Variants in SMC4 observed in about 807,000 individuals in gnomAD.
SMC4 encodes structural maintenance of chromosomes protein 4.
SMC4 carries 87 observed loss-of-function variants against 145.6 expected under a neutral mutation model. The observed-to-expected ratio is 0.60, with a 90% CI of 0.50 to 0.71. The LOEUF is 0.71. Among genes scored for constraint, SMC4 ranks in the 30% least tolerant of loss-of-function variants. The pLI, the probability that SMC4 is intolerant of heterozygous loss-of-function variation, is 0.00. For missense variants in SMC4, 1,447 were observed against 1,537.1 expected (o/e 0.94, Z 0.98); for synonymous variants, 558 against 500.7 (o/e 1.11, Z -1.53).
chr3:160,412,826 T>TAA, intron 7 of SMC4: 3 of 986,030 alleles, frequency 3.0e-6, no homozygotes, highest in Non-Finnish European at 3.6e-6. Context: ...GTTGACTTTT[T>TAA]AGTATCCTGC....
At chr3:160,405,683 T>C (rs1278812195) in intron 5 of SMC4, among the ~76,000 whole-genome samples, 3 of 152,100 alleles carry the variant, frequency 2.0e-5, no homozygotes, top group African/African-American at 7.2e-5. Flanking sequence ...CCTAAACTTA[T>C]TTAAAAATTA....
chr3:160,404,798 C>CA (rs746992239), intron 5 of SMC4: 1 of 565,304 alleles, frequency 1.8e-6, no homozygotes, highest in African/African-American at 1.9e-5. Flanking sequence ...TATTAAACAC[C>CA]AATATTACTG....
At chr3:160,429,953 G>GGTCC (rs111390549) in intron 18 of SMC4, among the ~76,000 whole-genome samples, 57 of 150,660 alleles carry the variant, frequency 3.8e-4, no homozygotes, top group African/African-American at 1.2e-3. Context: ...CTGACGTCAT[G>GGTCC]GTCCCCCTGC....
intron 17 of SMC4, among the ~76,000 whole-genome samples, chr3:160,427,728 T>C (rs985827458): frequency 2.0e-5 from 3 of 152,210 alleles, no homozygotes; most frequent in African/African-American, 7.2e-5. Context: ...ATTGAACATA[T>C]TCATATTTTT....
rs1001670299 is a variant in SMC4, at chr3:160,434,863, A to T, written c.*1054A>T. 1.3e-5 allele frequency: 2 copies of T among 152,198 alleles called. No individual in the cohort carries two copies. Among genetic ancestry groups the T allele is most frequent in the Admixed American group, 6.5e-5 (1 of 15,274 alleles). 9.4% of individuals were successfully genotyped at this position (152,198 alleles called of 1,614,324 possible). On this transcript the variant is annotated 3_prime_UTR_variant, in exon 24 of 24. Coordinates refer to ENST00000357388, the MANE Select transcript of SMC4 (RefSeq NM_001002800.3). ...CAGTGGGCCATTGTTTTAGATATTTAAAAAATCCAACAGTTTCTATCATAA... is the reference window on the plus strand; with the variant it reads ...CAGTGGGCCATTGTTTTAGATATTTTAAAAATCCAACAGTTTCTATCATAA...
chr3:160,415,814 A>G (rs944124366), intron 9 of SMC4, among the ~76,000 whole-genome samples: 3 of 152,246 alleles, frequency 2.0e-5, no homozygotes, highest in Non-Finnish European at 4.4e-5. Flanking sequence ...TTAGCCCTAC[A>G]TGATGACTCT....
chr3:160,432,260 T>C (rs757206766), intron 21 of SMC4, 23 bp from the exon 22 acceptor site: 1 of 1,458,634 alleles, frequency 6.9e-7, no homozygotes, highest in East Asian at 2.3e-5. Flanking sequence ...GAATAGATTT[T>C]CCCTATCATA....
intron 14 of SMC4, 53 bp downstream of exon 14, chr3:160,423,703 CTTTA>C: frequency 1.9e-6 from 3 of 1,596,888 alleles, no homozygotes; most frequent in Non-Finnish European, 2.6e-6. Context: ...ACAGCATTGA[CTTTA>C]TTTAATCTTG....
At chr3:160,408,918 G>A (rs997490560) in intron 5 of SMC4, among the ~76,000 whole-genome samples, 3 of 152,132 alleles carry the variant, frequency 2.0e-5, no homozygotes, top group Non-Finnish European at 4.4e-5. Flanking sequence ...GTAAAGGCCT[G>A]TTAATAGCCT....
At position 160,420,802 on chromosome 3, in the gene SMC4, G is replaced by C. The variant is rs750931376; in HGVS notation, c.1920G>C (p.Leu640=). ...CTATATCATCCTGTTGTCATGCACT[G>C]GACTACATTGTTGTTGATTCTATTG... The part of the protein sequence containing the change: ...DVAISSCCHA[L]DYIVVDSIDI... Residue 640 remains leucine (L), a synonymous_variant, in exon 13 of 24, where the codon CTG becomes CTC. Coordinates refer to ENST00000357388, the MANE Select transcript of SMC4 (RefSeq NM_001002800.3). 1 of 1,613,934 alleles carries C rather than the reference G, an allele frequency of 6.2e-7. No individual in the cohort carries two copies. Among genetic ancestry groups the C allele is most frequent in the Admixed American group, 1.7e-5 (1 of 60,006 alleles).
rs1362257682 is a variant in SMC4, at chr3:160,430,708, G to C, written c.2905G>C (p.Ala969Pro). Reference sequence around the variant, plus strand: ...AGAGCTGAAAAGTCTTGAGGACAAAGCAGCAGAGGTCGTAAAGAATACAAA... The same window carrying C: ...AGAGCTGAAAAGTCTTGAGGACAAACCAGCAGAGGTCGTAAAGAATACAAA... ...TAELKSLEDK[A>P]AEVVKNTNAA... Residue 969 changes from alanine to proline, a missense_variant, in exon 19 of 24, where the codon GCA (alanine) becomes CCA (proline). Transcript: ENST00000357388. 6.2e-7 allele frequency: 1 copy of C among 1,613,296 alleles called. No individual in the cohort carries two copies. Among genetic ancestry groups the C allele is most frequent in the Admixed American group, 1.7e-5 (1 of 59,802 alleles).
intron 13 of SMC4, 27 bp from the exon 14 acceptor site, chr3:160,423,392 GTTGTTT>G: frequency 1.0e-6 from 1 of 971,532 alleles, no homozygotes; most frequent in Non-Finnish European, 1.4e-6. Context: ...TTTGTTAACT[GTTGTTT>G]TTGTTTGTTT....
chr3:160,410,867 C>G (rs190120190), intron 5 of SMC4, among the ~76,000 whole-genome samples: 1 of 152,188 alleles, frequency 6.6e-6, no homozygotes, highest in Non-Finnish European at 1.5e-5. Flanking sequence ...AAACAATATA[C>G]TATTTTTAAT....
chr3:160,409,265 C>CAAAAAAAAAA lies in SMC4; in HGVS notation c.688-2637_688-2628dup, dbSNP rs10547167. On this transcript the variant is annotated intron_variant, in intron 5 of 23. Coordinates refer to ENST00000357388, the MANE Select transcript of SMC4 (RefSeq NM_001002800.3). ...TGGGCGACAGAGCGAAACTCCGTCTCAAAAAAAAAAAAAAAAAAAAAAAAA... is the reference window on the plus strand; with the variant it reads ...TGGGCGACAGAGCGAAACTCCGTCTCAAAAAAAAAAAAAAAAAAAAAAAAAAAAAAAAAAA... Among the ~76,000 whole-genome samples the CAAAAAAAAAA allele has an allele frequency of 6.0e-4, 37 of 61,980 alleles. 1 individual carries two copies. The highest frequency in any genetic ancestry group is 2.6e-3 in the East Asian group (3 of 1,134). 40.7% of individuals were successfully genotyped at this position (61,980 alleles called of 152,430 possible). A position where few individuals can be genotyped will look rare whatever the true frequency, so the allele number is the denominator to read the frequency against.
rs1714492562 is a variant in SMC4, at chr3:160,400,707, A to G, written c.-5-115A>G. 7 of 1,284,590 alleles carry G rather than the reference A, an allele frequency of 5.4e-6. No individual in the cohort carries two copies. The South Asian group carries it at 1.1e-4, about 20-fold the overall frequency. 79.6% of individuals were successfully genotyped at this position (1,284,590 alleles called of 1,614,324 possible). On this transcript the variant is annotated intron_variant, in intron 1 of 23. Transcript: ENST00000357388. ...CCTTCCCGAAGTCCCGCTGCCTCTA[A>G]GCGGAGTGTTAAGCGGGGCTCTCGG...
intron 2 of SMC4, among the ~76,000 whole-genome samples, 194 bp from the exon 3 acceptor site, chr3:160,401,721 A>G (rs1410564037): frequency 6.6e-6 from 1 of 152,192 alleles, no homozygotes; most frequent in East Asian, 1.9e-4. Context: ...ACCAAGCTGA[A>G]GGTTTAGTCA....
Position 160,433,664 on chromosome 3 carries a change from CAAAA to C in SMC4, c.3725_3728del (p.Lys1242MetfsTer5). ...TTCTTTGTTTCTCTTTAGGAACAAA[CAAAA>C]AATGCACAGTTCATAATAATTTCTC... On this transcript the variant is annotated frameshift_variant, in exon 24 of 24. Transcript: ENST00000357388. LOFTEE classifies it high-confidence loss of function. 1 of 1,537,580 alleles carries C rather than the reference CAAAA, an allele frequency of 6.5e-7. No individual in the cohort carries two copies. Among genetic ancestry groups the C allele is most frequent in the Non-Finnish European group, 8.8e-7 (1 of 1,140,986 alleles).
Position 160,428,790 on chromosome 3 carries a change from A to G in SMC4, c.2643A>G (p.Glu881=). 1 of 1,594,720 alleles carries G rather than the reference A, an allele frequency of 6.3e-7. No individual in the cohort carries two copies. The highest frequency in any genetic ancestry group is 8.5e-7 in the Non-Finnish European group (1 of 1,175,622). The stretch of plus-strand genomic sequence containing the variant: ...TGGCTGAGAAAGCTGGTAAAGTAGA[A>G]GCTGAGGTTAAACGCTTACACAATA... ...DAVAEKAGKV[E]AEVKRLHNTI... Residue 881 remains glutamate, a synonymous_variant, in exon 18 of 24, where the codon GAA becomes GAG. Coordinates refer to ENST00000357388, the MANE Select transcript of SMC4 (RefSeq NM_001002800.3).
At position 160,432,497 on chromosome 3, in the gene SMC4, C is replaced by T. The variant is rs757913386; in HGVS notation, c.3512C>T (p.Ser1171Phe). Reference protein sequence around the residue: ...LELVDSLDPFSEGIMFSVRPP... With the variant: ...LELVDSLDPFFEGIMFSVRPP... ...CTTGTAGACAGCTTGGATCCTTTCT[C>T]TGAAGGAATCATGTTCAGGTGTGTA... The change falls in exon 22 of 24, where the codon TCT (serine) becomes TTT (phenylalanine). Residue 1171 changes from serine to phenylalanine, a missense_variant. Transcript: ENST00000357388. The T allele has an allele frequency of 6.3e-7, 1 of 1,599,924 alleles. No homozygotes were observed. The highest frequency in any genetic ancestry group is 1.7e-5 in the Admixed American group (1 of 58,104).
Sources: allele counts gnomAD v4.1 joint callset (sites outside exome capture counted in the v4.1 genomes callset), GRCh38; gene constraint gnomAD v4.1.1; transcripts MANE v1.5; gene names NCBI Gene and HGNC (gene_info 2026-07-23, HGNC 2026-07-21).